The following RNF144B variants were observed in gnomAD, a reference collection of about 807,000 sequenced individuals.
The protein encoded by RNF144B is E3 ubiquitin-protein ligase RNF144B.
A neutral mutation model predicts 40.2 loss-of-function variants in RNF144B; 25 were observed. That is an observed-to-expected ratio of 0.62 (90% CI 0.45 to 0.87). The LOEUF is 0.87. RNF144B is among the 40% of genes least tolerant of loss of function. The pLI is 0.00. For missense variants in RNF144B, 365 were observed against 373.7 expected (o/e 0.98, Z 0.19); for synonymous variants, 145 against 136.3 (o/e 1.06, Z -0.44).
chr6:18,395,426 A>G lies in RNF144B; in HGVS notation c.-36-4073A>G, dbSNP rs1794673882. ...GAAGACCGGTGAATAGTAATATGAC[A>G]CAAAGGAAGAAATGCAAGGAAACCT... On this transcript the variant is annotated intron_variant, in intron 1 of 7. Coordinates refer to ENST00000259939, the MANE Select transcript of RNF144B (RefSeq NM_182757.4). This position sits in a 1 kb window ranked among gnomAD's most constrained non-coding sequence, Gnocchi z 4.5. 6.6e-6 allele frequency among the ~76,000 whole-genome samples: 1 copy of G among 152,142 alleles called. No homozygotes were observed. The highest frequency in any genetic ancestry group is 1.9e-4 in the East Asian group (1 of 5,198).
rs1794937639 is a variant in RNF144B, at chr6:18,407,532, A to G, written c.165+7833A>G. Among the ~76,000 whole-genome samples the G allele has an allele frequency of 3.3e-5, 5 of 152,202 alleles. No homozygotes were observed. The South Asian group carries it at 1.0e-3, about 31-fold the overall frequency. Reference sequence around the variant, plus strand: ...GTGGTTATCTAGCTTTTGACTGATAATTTCCAGGATTGGGACATACCATAG... The same window carrying G: ...GTGGTTATCTAGCTTTTGACTGATAGTTTCCAGGATTGGGACATACCATAG... On this transcript the variant is annotated intron_variant, in intron 2 of 7. Transcript: ENST00000259939.
chr6:18,464,070 A>G lies in RNF144B; in HGVS notation c.771+690A>G, dbSNP rs180678454. Among the ~76,000 whole-genome samples the G allele has an allele frequency of 1.3e-4, 20 of 152,292 alleles. No individual in the cohort carries two copies. The East Asian group carries it at 3.9e-3, about 29-fold the overall frequency. The stretch of plus-strand genomic sequence containing the variant: ...ATTTGGGTGGGGACACAGCCAAACC[A>G]TATCAGGCAGTGCTCTAAAACCCTG... On this transcript the variant is annotated intron_variant, in intron 7 of 7. Coordinates refer to ENST00000259939, the MANE Select transcript of RNF144B (RefSeq NM_182757.4). The surrounding 1 kb of genome is among the most constrained non-coding windows in gnomAD (Gnocchi z 6.1).
Position 18,441,163 on chromosome 6 carries a change from A to G in RNF144B, c.331+1419A>G, listed in dbSNP as rs752739913. Reference sequence around the variant, plus strand: ...CATTATAACACCAGATATGATAGCTAAAGATAAGAGCATCAACCATCTGCC... The same window carrying G: ...CATTATAACACCAGATATGATAGCTGAAGATAAGAGCATCAACCATCTGCC... On this transcript the variant is annotated intron_variant, in intron 4 of 7. Transcript: ENST00000259939. This position sits in a 1 kb window ranked among gnomAD's most constrained non-coding sequence, Gnocchi z 4.9. Among the ~76,000 whole-genome samples, 11 of 152,110 alleles carry G rather than the reference A, an allele frequency of 7.2e-5. No individual in the cohort carries two copies. The highest frequency in any genetic ancestry group is 1.5e-4 in the Non-Finnish European group (10 of 68,016).
chr6:18,397,965 C>T (rs527946511), intron 1 of RNF144B, among the ~76,000 whole-genome samples: 17 of 151,996 alleles, frequency 1.1e-4, no homozygotes, highest in South Asian at 2.1e-4. Flanking sequence ...ACTCTGTACC[C>T]GTTGAACATG....
At chr6:18,439,464 G>C (rs1758907265) in intron 3 of RNF144B, among the ~76,000 whole-genome samples, 1 of 152,160 alleles carries the variant, frequency 6.6e-6, no homozygotes, top group African/African-American at 2.4e-5. Context: ...TTTTGTAACT[G>C]CTCCCTTCAG....
chr6:18,438,714 A>G (rs767996067), intron 3 of RNF144B, among the ~76,000 whole-genome samples: 1 of 152,144 alleles, frequency 6.6e-6, no homozygotes. Context: ...TAGTTGCAAG[A>G]ACGTCAATGT....
In RNF144B at chr6:18,410,006, A is replaced by G. The variant is rs955728471; in HGVS notation, c.165+10307A>G. On this transcript the variant is annotated intron_variant, in intron 2 of 7. Coordinates refer to ENST00000259939, the MANE Select transcript of RNF144B (RefSeq NM_182757.4). This position sits in a 1 kb window ranked among gnomAD's most constrained non-coding sequence, Gnocchi z 4.6. ...GAAGTTGTGAAAAGATAGTTTGGTG[A>G]TCTGTGCTTGTATGTTGTGTAGACT... 6.6e-6 allele frequency among the ~76,000 whole-genome samples: 1 copy of G among 152,172 alleles called. No individual in the cohort carries two copies. The highest frequency in any genetic ancestry group is 2.4e-5 in the African/African-American group (1 of 41,430).
intron 1 of RNF144B, among the ~76,000 whole-genome samples, chr6:18,390,320 G>C (rs1449335645): frequency 6.6e-6 from 1 of 152,106 alleles, no homozygotes; most frequent in Non-Finnish European, 1.5e-5. Flanking sequence ...TAAAGTTTTA[G>C]TTTTATTAAC....
At chr6:18,451,464 CT>C (rs1465603117) in intron 4 of RNF144B, among the ~76,000 whole-genome samples, 1 of 152,100 alleles carries the variant, frequency 6.6e-6, no homozygotes. Context: ...GAAGTAAGAC[CT>C]GGATACCATC....
In RNF144B at chr6:18,464,817, C is replaced by G; in HGVS notation, c.772-110C>G. On this transcript the variant is annotated intron_variant, in intron 7 of 7. Transcript: ENST00000259939. This position sits in a 1 kb window ranked among gnomAD's most constrained non-coding sequence, Gnocchi z 6.1. ...GGGATTTAGGGTTTCAACATATGAG[C>G]TTCAGGGGGACACAAACATTTGGCC... 2 of 1,061,444 alleles carry G rather than the reference C, an allele frequency of 1.9e-6. No individual in the cohort carries two copies. The allele number at this position is 1,061,444 out of a possible 1,614,324, so 65.8% of individuals were successfully genotyped here.
At chr6:18,393,441 T>C (rs973689952) in intron 1 of RNF144B, among the ~76,000 whole-genome samples, 1 of 152,206 alleles carries the variant, frequency 6.6e-6, no homozygotes. Flanking sequence ...ATTTGGATTG[T>C]ATTTAGGGTA....
Position 18,429,169 on chromosome 6 carries a change from G to A in RNF144B, c.270+1484G>A, listed in dbSNP as rs184096633. ...GCCTTGATCACATCACTGCACTCCA[G>A]CCTGGGCAATAGAGTGAGATTTCAT... On this transcript the variant is annotated intron_variant, in intron 3 of 7. Coordinates refer to ENST00000259939, the MANE Select transcript of RNF144B (RefSeq NM_182757.4). Among the ~76,000 whole-genome samples, 3 of 152,236 alleles carry A rather than the reference G, an allele frequency of 2.0e-5. No individual in the cohort carries two copies. The East Asian group carries it at 5.8e-4, about 29-fold the overall frequency.
In RNF144B at chr6:18,448,314, G is replaced by A. The variant is rs1264111685; in HGVS notation, c.331+8570G>A. 6.6e-6 allele frequency among the ~76,000 whole-genome samples: 1 copy of A among 151,998 alleles called. No individual in the cohort carries two copies. Among genetic ancestry groups the A allele is most frequent in the Non-Finnish European group, 1.5e-5 (1 of 68,002 alleles). ...TTGGATTTACTTGGGGGTAGGTTTA[G>A]GTCATCTCTATCAGGAAAGAAGGTG... is the stretch of plus-strand genomic sequence containing the variant. On this transcript the variant is annotated intron_variant, in intron 4 of 7. Transcript: ENST00000259939. The surrounding 1 kb of genome is among the most constrained non-coding windows in gnomAD (Gnocchi z 4.0).
chr6:18,387,641 C>G lies in RNF144B; in HGVS notation c.-37+11C>G. On this transcript the variant is annotated intron_variant, in intron 1 of 7. Coordinates refer to ENST00000259939, the MANE Select transcript of RNF144B (RefSeq NM_182757.4). ...CAGGTCTGCTGCCAGGTAGGTTTAG[C>G]GAGCTTTTTAAAGGCTACAGGCGTT... 7.7e-7 allele frequency: 1 copy of G among 1,295,880 alleles called. No homozygotes were observed. Among genetic ancestry groups the G allele is most frequent in the Non-Finnish European group, 1.0e-6 (1 of 992,370 alleles). The allele number at this position is 1,295,880 out of a possible 1,614,324, so 80.3% of individuals were successfully genotyped here.
intron 3 of RNF144B, among the ~76,000 whole-genome samples, chr6:18,433,992 G>C (rs1274153415): frequency 6.6e-6 from 1 of 152,166 alleles, no homozygotes; most frequent in Non-Finnish European, 1.5e-5. Context: ...AACCTTGACA[G>C]GTTGTAATGA....
chr6:18,432,864 A>G (rs928306402), intron 3 of RNF144B, among the ~76,000 whole-genome samples: 4 of 152,188 alleles, frequency 2.6e-5, no homozygotes, highest in African/African-American at 9.7e-5. Context: ...TTTTACTGCT[A>G]GTGCCGCAGT....
chr6:18,454,282 A>C (rs1200313028), intron 4 of RNF144B, among the ~76,000 whole-genome samples: 1 of 152,164 alleles, frequency 6.6e-6, no homozygotes, highest in East Asian at 1.9e-4. Flanking sequence ...ACTTAGTTTC[A>C]TGGAATTGTG....
chr6:18,453,815 A>G (rs919075106), intron 4 of RNF144B, among the ~76,000 whole-genome samples: 1 of 152,188 alleles, frequency 6.6e-6, no homozygotes, highest in Non-Finnish European at 1.5e-5. Context: ...ACCACACAGG[A>G]GGAACAGTCC....
chr6:18,401,407 A>C (rs951144336), intron 2 of RNF144B, among the ~76,000 whole-genome samples: 1 of 152,202 alleles, frequency 6.6e-6, no homozygotes, highest in African/African-American at 2.4e-5. Flanking sequence ...GGGAGTGCTC[A>C]AAAGCAGAGA....
Sources: allele counts gnomAD v4.1 joint callset (sites outside exome capture counted in the v4.1 genomes callset), GRCh38; gene constraint gnomAD v4.1.1; non-coding constraint Gnocchi (gnomAD v3.1); transcripts MANE v1.5; gene names NCBI Gene and HGNC (gene_info 2026-07-23, HGNC 2026-07-21).